Variants in SNAP91 observed in about 807,000 individuals in gnomAD.
SNAP91 encodes synaptosome associated protein 91.
Under a neutral mutation model 100.3 loss-of-function variants are expected in SNAP91, and 27 were observed. The ratio of observed to expected loss-of-function variants is 0.27; its 90% CI spans 0.20 to 0.37. The LOEUF (loss-of-function observed/expected upper bound fraction) is 0.37. Among genes scored for constraint, SNAP91 ranks in the 10% least tolerant of loss-of-function variants. The pLI is 1.00. For missense variants in SNAP91, 986 were observed against 1,123.7 expected (o/e 0.88, Z 1.75); for synonymous variants, 404 against 398.6 (o/e 1.01, Z -0.16).
At chr6:83,661,334 T>C (rs898004574) in intron 5 of SNAP91, among the ~76,000 whole-genome samples, 168 bp downstream of exon 5, 1 of 152,194 alleles carries the variant, frequency 6.6e-6, no homozygotes, top group East Asian at 1.9e-4. Flanking sequence ...ATAATGCATA[T>C]TGCAACTTCA....
rs1349928732 is a variant in SNAP91, at chr6:83,611,496, A to T, written c.885-819T>A. ...ACAAAACAAGATGAAGACTAAATAC[A>T]TTTCAATAAGCAGCCTATATTCACC... On this transcript the variant is annotated intron_variant, in intron 11 of 29. Coordinates refer to ENST00000369694, the MANE Select transcript of SNAP91 (RefSeq NM_001242792.2). The T allele has an allele frequency of 6.6e-6, 3 of 454,540 alleles. No individual in the cohort carries two copies. The Admixed American group carries it at 7.1e-5, about 11-fold the overall frequency. The allele number at this position is 454,540 out of a possible 1,614,324, so 28.2% of individuals were successfully genotyped here.
intron 24 of SNAP91, among the ~76,000 whole-genome samples, chr6:83,577,993 C>T (rs7752899): frequency 0.47 from 71,437 of 151,890 alleles, 17,050 homozygotes; most frequent in African/African-American, 0.55. Context: ...CTTTTGCGAC[C>T]GACTTCTTTC....
chr6:83,697,748 G>A (rs1188300203), intron 2 of SNAP91, among the ~76,000 whole-genome samples: 4 of 152,086 alleles, frequency 2.6e-5, no homozygotes, highest in Admixed American at 6.6e-5. Context: ...TTGCTCTTCC[G>A]AAGTTTATTG....
intron 2 of SNAP91, among the ~76,000 whole-genome samples, chr6:83,674,685 G>A (rs2128863430): frequency 6.6e-6 from 1 of 152,202 alleles, no homozygotes; most frequent in South Asian, 2.1e-4. Context: ...TGTGGGATAA[G>A]AGCCCTTTCT....
chr6:83,659,668 A>G (rs922600727), intron 5 of SNAP91, among the ~76,000 whole-genome samples: 1 of 151,968 alleles, frequency 6.6e-6, no homozygotes, highest in African/African-American at 2.4e-5. Flanking sequence ...CTGACCTCAC[A>G]GAGTCCTCCC....
rs535569083 is a variant in SNAP91, at chr6:83,680,107, A to C, written c.131-14526T>G. Among the ~76,000 whole-genome samples the C allele has an allele frequency of 6.8e-4, 104 of 152,200 alleles. 1 individual carries two copies. The highest frequency in any genetic ancestry group is 2.3e-3 in the African/African-American group (96 of 41,556). Reference sequence around the variant, plus strand: ...CAGAACCTTCTGGGTCACCCAGATAATTTATGCCAAATAAAAGGCTAGACC... The same window carrying C: ...CAGAACCTTCTGGGTCACCCAGATACTTTATGCCAAATAAAAGGCTAGACC... On this transcript the variant is annotated intron_variant, in intron 2 of 29. Coordinates refer to ENST00000369694, the MANE Select transcript of SNAP91 (RefSeq NM_001242792.2).
chr6:83,621,925 TA>T (rs2096744695), intron 9 of SNAP91, among the ~76,000 whole-genome samples: 2 of 152,114 alleles, frequency 1.3e-5, no homozygotes, highest in Admixed American at 1.3e-4. Flanking sequence ...TTATGTGGAT[TA>T]TTTTTTAAAA....
rs771692440 is a variant in SNAP91 at position 83,659,035 on chromosome 6, T to C, written c.510A>G (p.Ile170Met). 5.0e-6 allele frequency: 8 copies of C among 1,609,304 alleles called. No homozygotes were observed. Among genetic ancestry groups the C allele is most frequent in the Middle Eastern group, 1.7e-4 (1 of 6,056 alleles). Residue 170 changes from isoleucine (I) to methionine (M), a missense_variant, in exon 6 of 30, where the codon ATA becomes ATG. Ile to Met is a conservative substitution (Grantham distance 10). Around this residue, in one of 4 missense-constraint regions of SNAP91, gnomAD observed 330 missense variants for 447.5 expected, o/e 0.74. Coordinates refer to ENST00000369694, the MANE Select transcript of SNAP91 (RefSeq NM_001242792.2). ...APEKLLKSMPILQGQIDALLE... is the reference protein window; with the variant it reads ...APEKLLKSMPMLQGQIDALLE... The stretch of plus-strand genomic sequence containing the variant: ...GCAGTGCATCAATTTGTCCCTGTAG[T>C]ATTGGCATACTCTTTAGCAGCTTTT...
At chr6:83,652,951 T>C (rs1190713317) in intron 7 of SNAP91, among the ~76,000 whole-genome samples, 2 of 152,218 alleles carry the variant, frequency 1.3e-5, no homozygotes, top group Non-Finnish European at 2.9e-5. Flanking sequence ...AGTGAAGTCA[T>C]ACAAAATTCT....
intron 9 of SNAP91, among the ~76,000 whole-genome samples, chr6:83,619,497 T>C (rs181998673): frequency 5.3e-5 from 8 of 152,266 alleles, no homozygotes; most frequent in Admixed American, 6.5e-5. Flanking sequence ...CAAAATATAA[T>C]GAGCAGGCTC....
intron 14 of SNAP91, 126 bp downstream of exon 14, chr6:83,605,559 A>G: frequency 7.8e-7 from 1 of 1,288,104 alleles, no homozygotes; most frequent in Admixed American, 2.6e-5. Context: ...CATTCTTAAC[A>G]TTTTCCCTCC....
chr6:83,677,578 C>T (rs1441630136), intron 2 of SNAP91, among the ~76,000 whole-genome samples: 1 of 152,062 alleles, frequency 6.6e-6, no homozygotes, highest in Non-Finnish European at 1.5e-5. Context: ...ATTATTTAGA[C>T]AAAAATTGGA....
chr6:83,592,471 G>A lies in SNAP91; in HGVS notation c.1914C>T (p.Val638=). The A allele has an allele frequency of 1.2e-6, 2 of 1,611,886 alleles. No individual in the cohort carries two copies. Among genetic ancestry groups the A allele is most frequent in the South Asian group, 2.2e-5 (2 of 90,412 alleles). ...ASPAKVDSSG[V]IDLFGDAFGS... is the part of the protein sequence containing the mutation. ...AATACGCACCCCCAAAAAGGTCTAT[G>A]ACACCTGAAGAATCCACCTTTGCTG... is the stretch of plus-strand genomic sequence containing the variant. Residue 638 remains valine, a synonymous_variant, in exon 21 of 30, where the codon GTC becomes GTT. Transcript: ENST00000369694.
rs144461278 is a variant in SNAP91 at position 83,565,773 on chromosome 6, C to T, written c.2443-4826G>A. ...TGCCACAATGAAATACCACTTCATG[C>T]TCATTAGAATGATATAATAAATAAT... is the stretch of plus-strand genomic sequence containing the variant. On this transcript the variant is annotated intron_variant, in intron 26 of 29. Coordinates refer to ENST00000369694, the MANE Select transcript of SNAP91 (RefSeq NM_001242792.2). Among the ~76,000 whole-genome samples the T allele has an allele frequency of 4.6e-5, 7 of 152,174 alleles. No individual in the cohort carries two copies. In the South Asian group the frequency reaches 8.3e-4, roughly 18 times the overall value.
At chr6:83,702,971 G>C (rs1417545080) in intron 2 of SNAP91, among the ~76,000 whole-genome samples, 2 of 152,052 alleles carry the variant, frequency 1.3e-5, no homozygotes, top group Non-Finnish European at 2.9e-5. Flanking sequence ...AGGACACTGA[G>C]CATCTTCGAG....
chr6:83,661,770 C>A (rs183840800), intron 4 of SNAP91, among the ~76,000 whole-genome samples, 166 bp from the exon 5 acceptor site: 21 of 152,238 alleles, frequency 1.4e-4, no homozygotes, highest in Non-Finnish European at 2.4e-4. Flanking sequence ...GGCAAAAATA[C>A]TTTTGCCATG....
intron 2 of SNAP91, among the ~76,000 whole-genome samples, chr6:83,679,303 G>A (rs937324783): frequency 2.0e-5 from 3 of 152,104 alleles, no homozygotes; most frequent in African/African-American, 7.2e-5. Context: ...CTGAATTTAA[G>A]CTTCCCCTCC....
rs537783751 is a variant in SNAP91, at chr6:83,655,205, G to A, written c.658+1549C>T. Among the ~76,000 whole-genome samples, 7 of 152,274 alleles carry A rather than the reference G, an allele frequency of 4.6e-5. No individual in the cohort carries two copies. The South Asian group carries it at 8.3e-4, about 18-fold the overall frequency. On this transcript the variant is annotated intron_variant, in intron 7 of 29. Coordinates refer to ENST00000369694, the MANE Select transcript of SNAP91 (RefSeq NM_001242792.2). ...TGTGCATTTCAGAGAAATCCTTGCC[G>A]TGTAAAAGAGAAATTTTGTACCTTG...
intron 13 of SNAP91, among the ~76,000 whole-genome samples, chr6:83,606,510 CA>C (rs1452602744): frequency 6.6e-6 from 1 of 152,106 alleles, no homozygotes; most frequent in Non-Finnish European, 1.5e-5. Context: ...TTTATAAATG[CA>C]AAATCTCAGG....
Sources: gnomAD v4.1 joint callset for allele counts (sites outside exome capture counted in the v4.1 genomes callset) on GRCh38, gnomAD v4.1.1 for gene constraint, gnomAD v4.1.1 regional missense constraint, MANE v1.5 for transcripts, NCBI Gene and HGNC (gene_info 2026-07-23, HGNC 2026-07-21) for gene names.